The following SHANK2 variants were observed in gnomAD, a reference collection of about 807,000 sequenced individuals.
The protein encoded by SHANK2 is SH3 and multiple ankyrin repeat domains protein 2.
Under a neutral mutation model 133.7 loss-of-function variants are expected in SHANK2, and 43 were observed. The observed-to-expected ratio is 0.32, with a 90% CI of 0.25 to 0.41. The LOEUF is 0.41. Ranked by LOEUF, SHANK2 falls within the 10% of genes least tolerant of loss-of-function variation. SHANK2 has a pLI of 1.00. For missense variants in SHANK2, 1,994 were observed against 2,235.8 expected (o/e 0.89, Z 2.18); for synonymous variants, 1,017 against 952.8 (o/e 1.07, Z -1.24).
intron 1 of SHANK2, among the ~76,000 whole-genome samples, chr11:71,236,836 T>C (rs1250529648): frequency 2.0e-5 from 3 of 152,234 alleles, no homozygotes; most frequent in Admixed American, 2.0e-4. Flanking sequence ...TTACTTTAGC[T>C]TGGGTGACAC....
At chr11:70,919,352 G>C (rs1444876813) in intron 10 of SHANK2, among the ~76,000 whole-genome samples, 2 of 151,076 alleles carry the variant, frequency 1.3e-5, no homozygotes, top group Non-Finnish European at 2.9e-5. Context: ...TTGTACCACA[G>C]ATCTCAGAAC....
intron 21 of SHANK2, 139 bp from the exon 22 acceptor site, chr11:70,492,604 C>T (rs1412302868): frequency 7.1e-6 from 8 of 1,127,182 alleles, no homozygotes; most frequent in South Asian, 2.7e-5. Context: ...GAGGAGCATG[C>T]GTGTGCCTCT....
At chr11:70,561,492 C>T (rs2059908063) in intron 17 of SHANK2, among the ~76,000 whole-genome samples, 1 of 151,842 alleles carries the variant, frequency 6.6e-6, no homozygotes, top group Non-Finnish European at 1.5e-5. Context: ...TTTTCTATGT[C>T]ATTGATTGCT....
intron 11 of SHANK2, among the ~76,000 whole-genome samples, chr11:70,895,041 G>A (rs1419656625): frequency 6.6e-6 from 1 of 152,238 alleles, no homozygotes; most frequent in Non-Finnish European, 1.5e-5. Flanking sequence ...AGGTGCTGAG[G>A]CAGCCCTGGC....
At chr11:71,144,844 C>T (rs1366757149) in intron 3 of SHANK2, among the ~76,000 whole-genome samples, 3 of 152,170 alleles carry the variant, frequency 2.0e-5, no homozygotes, top group African/African-American at 4.8e-5. Flanking sequence ...ATTGATGATG[C>T]TCATTTCTTA....
chr11:71,197,262 G>A (rs937557138), intron 2 of SHANK2, among the ~76,000 whole-genome samples: 12 of 151,864 alleles, frequency 7.9e-5, no homozygotes, highest in Non-Finnish European at 4.4e-5. Flanking sequence ...TGTCCGGCCT[G>A]AGCACATGGC....
chr11:70,526,908 C>T (rs2059406025), intron 17 of SHANK2, among the ~76,000 whole-genome samples: 1 of 152,106 alleles, frequency 6.6e-6, no homozygotes, highest in Non-Finnish European at 1.5e-5. Context: ...CTGTACCGGC[C>T]CCATCTGGCC....
At chr11:70,866,222 C>T (rs1007013040) in intron 11 of SHANK2, among the ~76,000 whole-genome samples, 3 of 152,168 alleles carry the variant, frequency 2.0e-5, no homozygotes, top group African/African-American at 7.2e-5. Flanking sequence ...ACAGCACCAC[C>T]GAGTGGCTCC....
At chr11:71,159,890 G>C (rs1317115602) in intron 2 of SHANK2, among the ~76,000 whole-genome samples, 1 of 151,750 alleles carries the variant, frequency 6.6e-6, no homozygotes, top group Non-Finnish European at 1.5e-5. Flanking sequence ...GGGAGGCTGA[G>C]GCAGGAGAAT....
intron 14 of SHANK2, among the ~76,000 whole-genome samples, chr11:70,757,544 T>C (rs953307170): frequency 5.9e-5 from 9 of 152,194 alleles, no homozygotes; most frequent in Non-Finnish European, 8.8e-5. Flanking sequence ...AAGTCGGGAA[T>C]TGTGGCACGT....
intron 17 of SHANK2, among the ~76,000 whole-genome samples, chr11:70,611,398 A>C (rs1292336221): frequency 6.6e-6 from 1 of 151,546 alleles, no homozygotes; most frequent in African/African-American, 2.4e-5. Context: ...ACTCATCGTC[A>C]CTCCAGCCAG....
At chr11:70,632,120 G>A (rs182411766) in intron 17 of SHANK2, among the ~76,000 whole-genome samples, 209 of 152,122 alleles carry the variant, frequency 1.4e-3, no homozygotes, top group Non-Finnish European at 1.5e-3. Flanking sequence ...TGGACTGAGC[G>A]GACATTTTTG....
chr11:70,496,338 G>A (rs939560216), intron 21 of SHANK2, among the ~76,000 whole-genome samples: 3 of 152,228 alleles, frequency 2.0e-5, no homozygotes, highest in Non-Finnish European at 4.4e-5. Flanking sequence ...CACAGCTGAT[G>A]AGGCTGATTC....
At chr11:71,073,047 T>C (rs960794141) in intron 9 of SHANK2, among the ~76,000 whole-genome samples, 26 of 152,166 alleles carry the variant, frequency 1.7e-4, no homozygotes, top group Non-Finnish European at 1.2e-4. Context: ...GCCTAAATTT[T>C]GTTATGTGTA....
At chr11:70,658,898 C>T (rs560746185) in intron 17 of SHANK2, among the ~76,000 whole-genome samples, 3 of 152,326 alleles carry the variant, frequency 2.0e-5, no homozygotes, top group African/African-American at 4.8e-5. Flanking sequence ...CTGATGTACA[C>T]GAGGCTGGGC....
chr11:70,853,887 C>T (rs557619501), intron 11 of SHANK2, among the ~76,000 whole-genome samples: 3 of 152,264 alleles, frequency 2.0e-5, no homozygotes, highest in South Asian at 2.1e-4. Flanking sequence ...TCAGTGGGTT[C>T]CTGTGTCTGA....
chr11:70,557,037 T>G (rs1373446864), intron 17 of SHANK2, among the ~76,000 whole-genome samples: 1 of 152,174 alleles, frequency 6.6e-6, no homozygotes, highest in Non-Finnish European at 1.5e-5. Context: ...CCTGACTGTA[T>G]TTTTACAAAG....
At chr11:71,065,940 G>T (rs1194848179) in intron 9 of SHANK2, among the ~76,000 whole-genome samples, 3 of 121,374 alleles carry the variant, frequency 2.5e-5, no homozygotes, top group East Asian at 2.6e-4. Flanking sequence ...GGTGGGGGCG[G>T]GGTACAGAAG....
At chr11:70,510,259 G>A (rs1225525531) in intron 17 of SHANK2, among the ~76,000 whole-genome samples, 2 of 152,192 alleles carry the variant, frequency 1.3e-5, no homozygotes, top group East Asian at 1.9e-4. Flanking sequence ...CTGGGGCCAA[G>A]GTTGGTGGCT....
Sources: gnomAD v4.1 joint callset for allele counts (sites outside exome capture counted in the v4.1 genomes callset) on GRCh38, gnomAD v4.1.1 for gene constraint, MANE v1.5 for transcripts, NCBI Gene and HGNC (gene_info 2026-07-23, HGNC 2026-07-21) for gene names.